The following CNTN4 variants were observed in gnomAD, a reference collection of about 807,000 sequenced individuals.
CNTN4 encodes contactin 4, also known as contactin-4.
In CNTN4, 77 loss-of-function variants were observed where a neutral mutation model predicts 122.5. The ratio of observed to expected loss-of-function variants is 0.63; its 90% CI spans 0.52 to 0.76. The LOEUF is 0.76. Among genes scored for constraint, CNTN4 ranks in the 30% least tolerant of loss-of-function variants. The pLI is 0.00. For synonymous variants in CNTN4, 512 were observed against 447.0 expected (o/e 1.15, Z -1.83); for missense variants, 1,256 against 1,259.1 (o/e 1.00, Z 0.04).
chr3:2,940,190 G>A lies in CNTN4; in HGVS notation c.1358+14411G>A, dbSNP rs575730937. The stretch of plus-strand genomic sequence containing the variant: ...CAGACTCTTCTGATTTATGCAGAGT[G>A]TGCATGAAAGAGAAAAAGAAACAGA... On this transcript the variant is annotated intron_variant, in intron 13 of 24. Transcript: ENST00000418658. 5.9e-5 allele frequency among the ~76,000 whole-genome samples: 9 copies of A among 152,324 alleles called. No individual in the cohort carries two copies. The South Asian group carries it at 1.9e-3, about 32-fold the overall frequency.
At chr3:2,840,113 C>A (rs2093321692) in intron 7 of CNTN4, among the ~76,000 whole-genome samples, 1 of 152,114 alleles carries the variant, frequency 6.6e-6, no homozygotes, top group Non-Finnish European at 1.5e-5. Context: ...AACCCAATAA[C>A]TTCTCAACAG....
chr3:2,605,103 C>T (rs552579352), intron 4 of CNTN4, among the ~76,000 whole-genome samples: 1 of 152,288 alleles, frequency 6.6e-6, no homozygotes, highest in African/African-American at 2.4e-5. Flanking sequence ...AACTGCTGAG[C>T]TCAAGTGATC....
At chr3:2,648,568 ATGT>A (rs2083229808) in intron 4 of CNTN4, among the ~76,000 whole-genome samples, 1 of 152,096 alleles carries the variant, frequency 6.6e-6, no homozygotes, top group Non-Finnish European at 1.5e-5. Flanking sequence ...TAATCGATCA[ATGT>A]TGTACTCTGG....
At chr3:2,259,062 G>T (rs1029490083) in intron 2 of CNTN4, among the ~76,000 whole-genome samples, 2 of 151,896 alleles carry the variant, frequency 1.3e-5, no homozygotes, top group African/African-American at 4.8e-5. Context: ...AAGCTATATT[G>T]CTCTAGTAGT....
chr3:2,163,776 A>C (rs1443693625), intron 2 of CNTN4, among the ~76,000 whole-genome samples: 1 of 152,258 alleles, frequency 6.6e-6, no homozygotes, highest in Non-Finnish European at 1.5e-5. Context: ...AGGGAAATGC[A>C]AAATAAAACC....
At chr3:2,619,387 T>G (rs2081908417) in intron 4 of CNTN4, among the ~76,000 whole-genome samples, 2 of 152,186 alleles carry the variant, frequency 1.3e-5, no homozygotes, top group South Asian at 4.1e-4. Flanking sequence ...AACCTAGAAA[T>G]TGCATTGATT....
intron 2 of CNTN4, among the ~76,000 whole-genome samples, chr3:2,118,178 CT>C (rs2033495734): frequency 6.6e-6 from 1 of 152,142 alleles, no homozygotes; most frequent in Admixed American, 6.5e-5. Flanking sequence ...GTGATGACCC[CT>C]GGGTCCTAAA....
intron 7 of CNTN4, among the ~76,000 whole-genome samples, chr3:2,843,110 C>T (rs115735821): frequency 0.014 from 2,111 of 152,260 alleles, 46 homozygotes; most frequent in African/African-American, 0.049. Flanking sequence ...GTCCAGTAGG[C>T]ATCTCAAAGG....
At chr3:2,610,245 T>C (rs2081423841) in intron 4 of CNTN4, among the ~76,000 whole-genome samples, 1 of 152,202 alleles carries the variant, frequency 6.6e-6, no homozygotes, top group East Asian at 1.9e-4. Flanking sequence ...TTGAAATTAT[T>C]ATAATCTCCT....
chr3:2,459,348 A>T (rs1236009203), intron 3 of CNTN4, among the ~76,000 whole-genome samples: 1 of 152,148 alleles, frequency 6.6e-6, no homozygotes, highest in African/African-American at 2.4e-5. Flanking sequence ...GACACATGCC[A>T]TGATATCTCA....
intron 3 of CNTN4, among the ~76,000 whole-genome samples, chr3:2,428,095 T>C (rs2047913486): frequency 6.6e-6 from 1 of 152,228 alleles, no homozygotes; most frequent in African/African-American, 2.4e-5. Flanking sequence ...TTGTTATGTG[T>C]GAATTTGATC....
chr3:2,118,371 C>G lies in CNTN4; in HGVS notation c.-145+17732C>G, dbSNP rs187151187. ...TTTAGTGATCAGTGTATGCTTAAAA[C>G]CCCTTAGTATGTACATGTTACTTTG... On this transcript the variant is annotated intron_variant, in intron 2 of 24. Transcript: ENST00000418658. 2.4e-4 allele frequency among the ~76,000 whole-genome samples: 36 copies of G among 152,292 alleles called. 1 individual carries two copies. Among genetic ancestry groups the G allele is most frequent in the Admixed American group, 1.2e-3 (18 of 15,300 alleles).
intron 3 of CNTN4, among the ~76,000 whole-genome samples, chr3:2,454,847 A>T (rs1269357341): frequency 6.6e-6 from 1 of 152,194 alleles, no homozygotes; most frequent in Non-Finnish European, 1.5e-5. Context: ...TTTTTCGATC[A>T]CATTTATCCT....
intron 3 of CNTN4, among the ~76,000 whole-genome samples, chr3:2,476,248 A>G (rs1268237927): frequency 6.6e-6 from 1 of 152,134 alleles, no homozygotes; most frequent in Admixed American, 6.6e-5. Context: ...TTCTGATGAA[A>G]CCAGAGGCAG....
At chr3:2,519,694 T>G (rs1221171139) in intron 3 of CNTN4, among the ~76,000 whole-genome samples, 1 of 152,180 alleles carries the variant, frequency 6.6e-6, no homozygotes, top group Non-Finnish European at 1.5e-5. Flanking sequence ...TCCTAAGTGT[T>G]GTGGCCATGT....
intron 6 of CNTN4, among the ~76,000 whole-genome samples, chr3:2,799,500 T>C (rs1289521662): frequency 6.6e-6 from 1 of 152,106 alleles, no homozygotes; most frequent in Non-Finnish European, 1.5e-5. Context: ...TCTCACTCTG[T>C]CACCCAGGCT....
At chr3:2,364,858 ATTTC>A (rs1005787781) in intron 3 of CNTN4, among the ~76,000 whole-genome samples, 5 of 152,170 alleles carry the variant, frequency 3.3e-5, no homozygotes, top group Non-Finnish European at 5.9e-5. Context: ...AAGTCTTGTC[ATTTC>A]TTTATTTTAC....
At chr3:2,275,823 G>A (rs1575237575) in intron 2 of CNTN4, among the ~76,000 whole-genome samples, 1 of 150,254 alleles carries the variant, frequency 6.7e-6, no homozygotes, top group Non-Finnish European at 1.5e-5. Flanking sequence ...AGGAAGCTGA[G>A]TCAGGAGAAT....
chr3:2,766,589 C>T (rs116600500), intron 6 of CNTN4, among the ~76,000 whole-genome samples: 2,233 of 152,016 alleles, frequency 0.015, 55 homozygotes, highest in African/African-American at 0.051. Flanking sequence ...TTTTGGGACG[C>T]GGCGGGGAAA....
Sources: allele counts gnomAD v4.1 joint callset (sites outside exome capture counted in the v4.1 genomes callset), GRCh38; gene constraint gnomAD v4.1.1; transcripts MANE v1.5; gene names NCBI Gene and HGNC (gene_info 2026-07-23, HGNC 2026-07-21).